The following FRAS1 variants were observed in gnomAD, a reference collection of about 807,000 sequenced individuals.
The protein encoded by FRAS1 is extracellular matrix organizing protein FRAS1.
In FRAS1, 290 loss-of-function variants were observed where a neutral mutation model predicts 435.2. The ratio of observed to expected loss-of-function variants is 0.67; its 90% CI spans 0.61 to 0.73. The LOEUF (loss-of-function observed/expected upper bound fraction) is 0.73. Ranked by LOEUF, FRAS1 falls within the 30% of genes least tolerant of loss-of-function variation. The pLI is 0.00. For synonymous variants in FRAS1, 1,800 were observed against 1,851.0 expected, an observed-to-expected ratio of 0.97 and a Z score of 0.71; for missense variants, 4,860 against 5,001.5, an observed-to-expected ratio of 0.97 and a Z score of 0.85.
chr4:78,252,458 A>AC lies in FRAS1; in HGVS notation c.382dup (p.Gln128ProfsTer18), dbSNP rs771770547. 2 of 1,612,312 alleles carry AC rather than the reference A, an allele frequency of 1.2e-6. No individual in the cohort carries two copies. The highest frequency in any genetic ancestry group is 1.3e-5 in the African/African-American group (1 of 74,378). On this transcript the variant is annotated frameshift_variant, in exon 5 of 74. Transcript: ENST00000512123. LOFTEE classifies it high-confidence loss of function. ...TTGCAATCATGGGGAAGTCCGATGT[A>AC]CCCCCCAACCATGCCCACCGCTGTC...
intron 2 of FRAS1, among the ~76,000 whole-genome samples, chr4:78,073,272 T>G (rs1740453426): frequency 6.6e-6 from 1 of 152,214 alleles, no homozygotes; most frequent in Admixed American, 6.6e-5. Flanking sequence ...GTACTTTTAT[T>G]GATGAATAAT....
chr4:78,315,550 G>C (rs1383967273), intron 15 of FRAS1, 44 bp from the exon 16 acceptor site: 18 of 1,560,044 alleles, frequency 1.2e-5, no homozygotes, highest in Non-Finnish European at 1.5e-5. Flanking sequence ...TGCTTCTTTT[G>C]CTCACTATTG....
chr4:78,403,440 GA>G (rs1310167193), intron 30 of FRAS1, among the ~76,000 whole-genome samples: 1 of 152,066 alleles, frequency 6.6e-6, no homozygotes, highest in Non-Finnish European at 1.5e-5. Flanking sequence ...ACGTTACCTA[GA>G]AACCATTCAG....
intron 7 of FRAS1, 104 bp from the exon 8 acceptor site, chr4:78,266,730 C>T (rs2110154565): frequency 8.9e-6 from 7 of 790,164 alleles, no homozygotes; most frequent in Non-Finnish European, 1.3e-5. Flanking sequence ...CAATGTGGCT[C>T]ATCTTACAAA....
At position 78,387,677 on chromosome 4, in the gene FRAS1, G is replaced by A. The variant is rs76107832; in HGVS notation, c.3951G>A (p.Leu1317=). ...ANDGHSFHNI[L]FQVKTVPQND... is the part of the protein sequence containing the mutation. The stretch of plus-strand genomic sequence containing the variant: ...ATGGACACTCCTTCCATAATATACT[G>A]TTCCAAGTGAAGACCGTGCCTCAGG... Residue 1317 remains leucine (L), a synonymous_variant, in exon 29 of 74, where the codon CTG becomes CTA. Transcript: ENST00000512123. The A allele has an allele frequency of 1.9e-3, 2,922 of 1,541,988 alleles. 34 individuals carry two copies. The African/African-American group carries it at 0.035, about 19-fold the overall frequency.
chr4:78,221,815 C>G (rs1724061962), intron 2 of FRAS1, among the ~76,000 whole-genome samples: 1 of 152,056 alleles, frequency 6.6e-6, no homozygotes, highest in African/African-American at 2.4e-5. Flanking sequence ...GTCACAACAC[C>G]CCTGTAAGTC....
intron 13 of FRAS1, 167 bp from the exon 14 acceptor site, chr4:78,286,238 C>T (rs751354151): frequency 4.2e-5 from 32 of 767,008 alleles, no homozygotes; most frequent in South Asian, 3.8e-4. Context: ...CAGTGGCTGA[C>T]ATGAACTGTG....
Position 78,278,766 on chromosome 4 carries a change from G to A in FRAS1, c.1071+22G>A, listed in dbSNP as rs11945545. On this transcript the variant is annotated intron_variant, in intron 10 of 73. Coordinates refer to ENST00000512123, the MANE Select transcript of FRAS1 (RefSeq NM_025074.7). ...ATTTGTGAGTATCAGGCTTATAACC[G>A]AAGATGATTTCAAATTAATTCAAAA... The A allele has an allele frequency of 1.6e-3, 2,198 of 1,333,836 alleles. 28 individuals are homozygous for A. The African/African-American group carries it at 0.026, about 16-fold the overall frequency. The allele number at this position is 1,333,836 out of a possible 1,614,324, so 82.6% of individuals were successfully genotyped here.
chr4:78,386,416 C>A (rs143924576), intron 28 of FRAS1, among the ~76,000 whole-genome samples: 9 of 152,246 alleles, frequency 5.9e-5, no homozygotes, highest in Non-Finnish European at 1.2e-4. Flanking sequence ...GTAGAATTCT[C>A]ACTTGAGAAT....
In FRAS1 at chr4:78,286,476, C is replaced by T. The variant is rs368858515; in HGVS notation, c.1471C>T (p.Arg491Trp). 5.3e-5 allele frequency: 86 copies of T among 1,613,664 alleles called. 2 individuals are homozygous for T. The East Asian group carries it at 1.1e-3, about 21-fold the overall frequency. ...CSSCQPPLLMRHGQCVPTCGD... is the reference protein window; with the variant it reads ...CSSCQPPLLMWHGQCVPTCGD... ...ATCCTGCCAGCCTCCCCTGCTGATG[C>T]GGCACGGGCAGTGTGTGCCTACCTG... is the stretch of plus-strand genomic sequence containing the variant. The change falls in exon 14 of 74, where the codon CGG becomes TGG. Residue 491 changes from arginine to tryptophan, a missense_variant. Coordinates refer to ENST00000512123, the MANE Select transcript of FRAS1 (RefSeq NM_025074.7).
chr4:78,219,293 T>G (rs2110094530), intron 2 of FRAS1, among the ~76,000 whole-genome samples: 1 of 152,324 alleles, frequency 6.6e-6, no homozygotes, highest in Non-Finnish European at 1.5e-5. Context: ...GAATTCTATT[T>G]GAATTTTCAT....
chr4:78,124,639 C>T (rs1025142747), intron 2 of FRAS1, among the ~76,000 whole-genome samples: 1 of 152,134 alleles, frequency 6.6e-6, no homozygotes, highest in African/African-American at 2.4e-5. Flanking sequence ...TTAATTATTG[C>T]CTCCATTTCA....
At chr4:78,117,585 C>G (rs141716318) in intron 2 of FRAS1, among the ~76,000 whole-genome samples, 5 of 152,282 alleles carry the variant, frequency 3.3e-5, no homozygotes, top group South Asian at 2.1e-4. Flanking sequence ...TTCATTTGCT[C>G]TTCCGTCACT....
chr4:78,479,419 A>G lies in FRAS1; in HGVS notation c.8144A>G (p.Lys2715Arg). 6.4e-7 allele frequency: 1 copy of G among 1,560,844 alleles called. No homozygotes were observed. The highest frequency in any genetic ancestry group is 8.7e-7 in the Non-Finnish European group (1 of 1,149,814). Residue 2715 changes from lysine to arginine, a missense_variant, in exon 56 of 74, where the codon AAG becomes AGG. Physicochemically the swap from Lys to Arg is conservative, Grantham distance 26. Transcript: ENST00000512123. Reference sequence around the variant, plus strand: ...TCTGCAATTTGCTACACAGTCCCTAAGTCAGCTATGGGAAGTAGCCTCTAT... The same window carrying G: ...TCTGCAATTTGCTACACAGTCCCTAGGTCAGCTATGGGAAGTAGCCTCTAT... ...IVSAICYTVPKSAMGSSLYAL... is the reference protein window; with the variant it reads ...IVSAICYTVPRSAMGSSLYAL...
intron 5 of FRAS1, 123 bp from the exon 6 acceptor site, chr4:78,255,119 A>C: frequency 5.6e-6 from 5 of 893,680 alleles, no homozygotes; most frequent in Non-Finnish European, 9.0e-6. Flanking sequence ...TGAACACCAA[A>C]TGCAGGACCT....
At chr4:78,428,781 T>TA (rs1734097116) in intron 35 of FRAS1, among the ~76,000 whole-genome samples, 2 of 152,252 alleles carry the variant, frequency 1.3e-5, no homozygotes, top group South Asian at 4.1e-4. Flanking sequence ...GATTTTGTGT[T>TA]ACCTTCCTTT....
intron 42 of FRAS1, 169 bp from the exon 43 acceptor site, chr4:78,446,558 C>T: frequency 1.4e-6 from 2 of 1,380,882 alleles, no homozygotes; most frequent in Non-Finnish European, 1.9e-6. Context: ...GTTGCCTGGA[C>T]TTGCTCTCTT....
intron 2 of FRAS1, among the ~76,000 whole-genome samples, chr4:78,175,280 C>T (rs1483858280): frequency 1.3e-5 from 2 of 152,208 alleles, no homozygotes; most frequent in East Asian, 3.8e-4. Flanking sequence ...TCTCCTGTTA[C>T]TGTCTAATTG....
intron 2 of FRAS1, among the ~76,000 whole-genome samples, chr4:78,137,002 G>A (rs897181814): frequency 1.3e-5 from 2 of 152,176 alleles, no homozygotes; most frequent in Admixed American, 1.3e-4. Flanking sequence ...CAGGGCCTGA[G>A]GCCACTGGCA....
Sources: allele counts gnomAD v4.1 joint callset (sites outside exome capture counted in the v4.1 genomes callset), GRCh38; gene constraint gnomAD v4.1.1; transcripts MANE v1.5; gene names NCBI Gene and HGNC (gene_info 2026-07-23, HGNC 2026-07-21).